DDX31: variants seen among roughly 807,000 people sequenced by gnomAD.
DDX31 encodes ATP-dependent DNA helicase DDX31.
Under a neutral mutation model 91.3 loss-of-function variants are expected in DDX31, and 70 were observed. The ratio of observed to expected loss-of-function variants is 0.77; its 90% CI spans 0.63 to 0.94. The LOEUF (loss-of-function observed/expected upper bound fraction) is 0.94, where lower values mean the gene tolerates loss of function less well. Ranked by LOEUF, DDX31 falls within the 40% of genes least tolerant of loss-of-function variation. The pLI is 0.00. For missense variants in DDX31, 902 were observed against 925.0 expected, an observed-to-expected ratio of 0.98 and a Z score of 0.32; for synonymous variants, 362 against 350.6, an observed-to-expected ratio of 1.03 and a Z score of -0.36.
At chr9:132,645,555 G>A (rs1407195365) in intron 13 of DDX31, among the ~76,000 whole-genome samples, 1 of 152,076 alleles carries the variant, frequency 6.6e-6, no homozygotes, top group African/African-American at 2.4e-5. Flanking sequence ...ACCCTTCCCT[G>A]GTGCCAGCTA....
chr9:132,625,501 GAA>G lies in DDX31; in HGVS notation c.1713+161_1713+162del, dbSNP rs56990165. ...AAACGCATCCAGAAGCAAAGACGAG[GAA>G]AAAAAAAAAACAATCAAGATTTGGC... On this transcript the variant is annotated intron_variant, in intron 17 of 19. Coordinates refer to ENST00000372159, the MANE Select transcript of DDX31 (RefSeq NM_022779.9). Among the ~76,000 whole-genome samples the G allele has an allele frequency of 5.8e-4, 82 of 140,410 alleles. No individual in the cohort carries two copies. In the South Asian group the frequency reaches 0.017, roughly 30 times the overall value. 92.1% of individuals were successfully genotyped at this position (140,410 alleles called of 152,430 possible).
intron 9 of DDX31, among the ~76,000 whole-genome samples, chr9:132,648,981 T>C (rs1834012031): frequency 6.6e-6 from 1 of 152,224 alleles, no homozygotes; most frequent in Non-Finnish European, 1.5e-5. Context: ...AAGCCCTTTA[T>C]GTAACTTCCA....
chr9:132,597,330 C>A (rs138396236), intron 19 of DDX31, among the ~76,000 whole-genome samples: 23 of 152,246 alleles, frequency 1.5e-4, no homozygotes, highest in African/African-American at 5.1e-4. Context: ...TGGGCGCACT[C>A]AACTTGTTCC....
At chr9:132,638,272 C>T (rs1833249515) in intron 14 of DDX31, 4 of 1,604,994 alleles carry the variant, frequency 2.5e-6, no homozygotes, top group South Asian at 1.1e-5. Flanking sequence ...CTCCATTTTC[C>T]GGCCATTCGG....
At chr9:132,597,042 G>A (rs1397313350) in intron 19 of DDX31, among the ~76,000 whole-genome samples, 1 of 152,182 alleles carries the variant, frequency 6.6e-6, no homozygotes, top group African/African-American at 2.4e-5. Flanking sequence ...GCTGGTGGTT[G>A]GCATGTGGAT....
At chr9:132,618,305 G>A (rs979942731) in intron 18 of DDX31, 25 bp downstream of exon 18, 9 of 1,595,010 alleles carry the variant, frequency 5.6e-6, no homozygotes, top group African/African-American at 5.4e-5. Context: ...TATCCACTGC[G>A]CAAGCACCTA....
At chr9:132,600,730 C>G (rs1002055041) in intron 19 of DDX31, among the ~76,000 whole-genome samples, 2 of 152,198 alleles carry the variant, frequency 1.3e-5, no homozygotes, top group Non-Finnish European at 1.5e-5. Flanking sequence ...TCTGTCAGAA[C>G]ATAAGCAGGA....
rs1195060178 is a variant in DDX31 at position 132,646,888 on chromosome 9, C to T, written c.1138G>A (p.Val380Met). Residue 380 changes from valine (V) to methionine (M), a missense_variant, in exon 12 of 20, where the codon GTG (valine) becomes ATG (methionine). Coordinates refer to ENST00000372159, the MANE Select transcript of DDX31 (RefSeq NM_022779.9). ...CTCAGTTTGCTGGGAACCACAGTCA[C>T]ATGCTGCTTGAGACTCTCTGGTATT... Reference protein sequence around the residue: ...FAIPESLKQHVTVVPSKLRLV... With the variant: ...FAIPESLKQHMTVVPSKLRLV... 6.2e-7 allele frequency: 1 copy of T among 1,614,066 alleles called. No homozygotes were observed. Among genetic ancestry groups the T allele is most frequent in the East Asian group, 2.2e-5 (1 of 44,896 alleles).
intron 19 of DDX31, among the ~76,000 whole-genome samples, chr9:132,610,542 G>C (rs1262925308): frequency 6.6e-6 from 1 of 152,150 alleles, no homozygotes; most frequent in Non-Finnish European, 1.5e-5. Context: ...GAGAGGTCAA[G>C]TTGGATGTCC....
intron 1 of DDX31, chr9:132,669,512 A>C: frequency 7.7e-7 from 1 of 1,299,282 alleles, no homozygotes. Flanking sequence ...AGTCGAGGAA[A>C]CTGGCTTAGA....
rs554950682 is a variant in DDX31, at chr9:132,658,623, T to C, written c.588+48A>G. 11 of 1,524,160 alleles carry C rather than the reference T, an allele frequency of 7.2e-6. No individual in the cohort carries two copies. The South Asian group carries it at 1.2e-4, about 16-fold the overall frequency. The allele number at this position is 1,524,160 out of a possible 1,614,324, so 94.4% of individuals were successfully genotyped here. On this transcript the variant is annotated intron_variant, in intron 6 of 19. Coordinates refer to ENST00000372159, the MANE Select transcript of DDX31 (RefSeq NM_022779.9). ...TTTCTGTTATGCTTCAGTTTGATGG[T>C]TGCTTATGCACTATGAGCAATGACA...
At chr9:132,628,096 T>C (rs1193203468) in intron 16 of DDX31, among the ~76,000 whole-genome samples, 1 of 152,266 alleles carries the variant, frequency 6.6e-6, no homozygotes, top group East Asian at 1.9e-4. Flanking sequence ...GTAGGGCCTT[T>C]CCTCAAACAG....
At chr9:132,640,803 T>C (rs955190894) in intron 14 of DDX31, among the ~76,000 whole-genome samples, 2 of 152,202 alleles carry the variant, frequency 1.3e-5, no homozygotes, top group African/African-American at 4.8e-5. Flanking sequence ...CCATCACACC[T>C]GGCCCAACAA....
At position 132,662,621 on chromosome 9, in the gene DDX31, T is replaced by C. The variant is rs765032201; in HGVS notation, c.150A>G (p.Ser50=). Residue 50 remains serine, a synonymous_variant, in exon 2 of 20, where the codon TCA becomes TCG. Transcript: ENST00000372159. ...CACTAGTTTTCTTGGCTGGGAGAAATGAAGTTTCGTTCCTCCGTTTCGCTG... is the reference window on the plus strand; with the variant it reads ...CACTAGTTTTCTTGGCTGGGAGAAACGAAGTTTCGTTCCTCCGTTTCGCTG... The part of the protein sequence containing the change: ...APPAKRRNET[S]FLPAKKTSVK... 1.9e-6 allele frequency: 3 copies of C among 1,614,080 alleles called. No individual in the cohort carries two copies. Among genetic ancestry groups the C allele is most frequent in the Non-Finnish European group, 1.7e-6 (2 of 1,180,050 alleles).
rs115348320 is a variant in DDX31 at position 132,663,473 on chromosome 9, A to G, written c.76-778T>C. ...CTCTTGCCTGTTGCTTCTTATTTCC[A>G]TTACAGGAATGTGCTTAAATGCATG... On this transcript the variant is annotated intron_variant, in intron 1 of 19. Transcript: ENST00000372159. 1.6e-3 allele frequency: 1,534 copies of G among 985,360 alleles called. 16 individuals carry two copies. In the African/African-American group the frequency reaches 0.025, roughly 16 times the overall value. 61.0% of individuals were successfully genotyped at this position (985,360 alleles called of 1,614,324 possible).
At chr9:132,657,105 C>T (rs1413851828) in intron 6 of DDX31, among the ~76,000 whole-genome samples, 1 of 152,124 alleles carries the variant, frequency 6.6e-6, no homozygotes, top group Non-Finnish European at 1.5e-5. Flanking sequence ...GTAACCTGCC[C>T]TTTTTCAAGT....
At position 132,646,079 on chromosome 9, in the gene DDX31, G is replaced by T; in HGVS notation, c.1204-8C>A. ...CTTCTGGTCTTCCTCAAACTACATC[G>T]ATACAAAGGGAGGAAAAACCGACAT... On this transcript the variant is annotated splice_region_variant and splice_polypyrimidine_tract_variant and intron_variant, in intron 12 of 19. Coordinates refer to ENST00000372159, the MANE Select transcript of DDX31 (RefSeq NM_022779.9). 6.2e-7 allele frequency: 1 copy of T among 1,606,824 alleles called. No homozygotes were observed. The highest frequency in any genetic ancestry group is 1.1e-5 in the South Asian group (1 of 90,802).
At position 132,625,694 on chromosome 9, in the gene DDX31, A is replaced by C. The variant is rs1454057184; in HGVS notation, c.1683T>G (p.Asp561Glu). 1 of 1,614,086 alleles carries C rather than the reference A, an allele frequency of 6.2e-7. No homozygotes were observed. The highest frequency in any genetic ancestry group is 1.7e-5 in the Admixed American group (1 of 60,002). Residue 561 changes from aspartate to glutamate, a missense_variant, in exon 17 of 20, where the codon GAT becomes GAG. Asp to Glu is a conservative substitution (Grantham distance 45). Transcript: ENST00000372159. ...EDILCVLTRD[D>E]CFKGKRWGAQ... The stretch of plus-strand genomic sequence containing the variant: ...CTCCCCATCGTTTCCCTTTAAAACA[A>C]TCATCTCTTGTCAGAACACACAAAA...
intron 14 of DDX31, among the ~76,000 whole-genome samples, chr9:132,640,504 T>A (rs747974609): frequency 3.9e-5 from 6 of 152,180 alleles, no homozygotes; most frequent in Admixed American, 2.6e-4. Flanking sequence ...TTCCCCCGCT[T>A]TTTTTCTTTT....
Sources: allele counts gnomAD v4.1 joint callset (sites outside exome capture counted in the v4.1 genomes callset), GRCh38; gene constraint gnomAD v4.1.1; transcripts MANE v1.5; gene names NCBI Gene and HGNC (gene_info 2026-07-23, HGNC 2026-07-21).